GSG1L: variants seen among roughly 807,000 people sequenced by gnomAD.
The protein encoded by GSG1L is GSG1 like, also known as germ cell-specific gene 1-like protein.
Under a neutral mutation model 42.1 loss-of-function variants are expected in GSG1L, and 24 were observed. The observed-to-expected ratio is 0.57, with a 90% CI of 0.41 to 0.80. The LOEUF is 0.80. Among genes scored for constraint, GSG1L ranks in the 30% least tolerant of loss-of-function variants. GSG1L has a pLI of 0.00. For synonymous variants in GSG1L, 215 were observed against 203.5 expected (o/e 1.06, Z -0.48); for missense variants, 445 against 472.2 (o/e 0.94, Z 0.53).
At chr16:28,061,198 C>T (rs1330054321) in intron 1 of GSG1L, among the ~76,000 whole-genome samples, 1 of 152,222 alleles carries the variant, frequency 6.6e-6, no homozygotes, top group African/African-American at 2.4e-5. Flanking sequence ...AAGATGTCTA[C>T]CTCCAAGGAC....
intron 1 of GSG1L, among the ~76,000 whole-genome samples, chr16:27,995,347 C>G (rs2085504311): frequency 6.6e-6 from 1 of 152,082 alleles, no homozygotes; most frequent in African/African-American, 2.4e-5. Context: ...AAAATAAGCC[C>G]AAGAATGGAG....
chr16:28,053,517 C>T (rs898795164), intron 1 of GSG1L, among the ~76,000 whole-genome samples: 3 of 152,130 alleles, frequency 2.0e-5, no homozygotes, highest in South Asian at 2.1e-4. Context: ...CTTCTTCATC[C>T]GTCTGGATGG....
chr16:27,923,365 GT>G (rs1258690537), intron 2 of GSG1L, among the ~76,000 whole-genome samples: 1 of 152,172 alleles, frequency 6.6e-6, no homozygotes, highest in Non-Finnish European at 1.5e-5. Context: ...TTTTGTCAAA[GT>G]CCTGTCCCTG....
chr16:27,968,088 C>T (rs1194928807), intron 1 of GSG1L, among the ~76,000 whole-genome samples: 1 of 151,908 alleles, frequency 6.6e-6, no homozygotes, highest in African/African-American at 2.4e-5. Flanking sequence ...ACATTTTTGC[C>T]TATTAGGGGC....
chr16:28,005,154 C>A (rs1293438292), intron 1 of GSG1L, among the ~76,000 whole-genome samples: 3 of 152,124 alleles, frequency 2.0e-5, no homozygotes, highest in African/African-American at 7.2e-5. Context: ...GCTCTTGTTG[C>A]CCAGGCTGGA....
At chr16:27,813,897 A>ACAGACC (rs1485713494) in intron 5 of GSG1L, among the ~76,000 whole-genome samples, 1 of 152,158 alleles carries the variant, frequency 6.6e-6, no homozygotes, top group African/African-American at 2.4e-5. Flanking sequence ...TGTGCAGCTC[A>ACAGACC]CTGGGCCGCT....
intron 3 of GSG1L, among the ~76,000 whole-genome samples, chr16:27,854,899 T>C (rs1299154679): frequency 1.3e-5 from 2 of 152,084 alleles, no homozygotes; most frequent in Non-Finnish European, 2.9e-5. Context: ...AAAGCCACCC[T>C]TGGATGTACA....
At chr16:27,889,382 T>G (rs1006244881) in intron 2 of GSG1L, among the ~76,000 whole-genome samples, 5 of 152,188 alleles carry the variant, frequency 3.3e-5, no homozygotes, top group African/African-American at 1.2e-4. Context: ...GCCAAGGAAA[T>G]TAATAACAAT....
chr16:27,980,064 G>A (rs1018558075), intron 1 of GSG1L, among the ~76,000 whole-genome samples: 2 of 152,174 alleles, frequency 1.3e-5, no homozygotes, highest in Admixed American at 1.3e-4. Flanking sequence ...CCAGAAGCAG[G>A]AGGCTGTAAT....
intron 3 of GSG1L, among the ~76,000 whole-genome samples, chr16:27,869,703 ATT>A (rs2083783210): frequency 9.4e-5 from 5 of 53,014 alleles, no homozygotes; most frequent in African/African-American, 1.7e-4. Flanking sequence ...GTCTCCCTCC[ATT>A]TCTCTCTCCT....
intron 5 of GSG1L, among the ~76,000 whole-genome samples, chr16:27,819,382 A>C (rs2083127756): frequency 6.6e-6 from 1 of 152,164 alleles, no homozygotes; most frequent in Non-Finnish European, 1.5e-5. Flanking sequence ...CCCCATCCCA[A>C]AACCCCATCC....
At chr16:28,011,159 A>C (rs2085712933) in intron 1 of GSG1L, among the ~76,000 whole-genome samples, 2 of 152,240 alleles carry the variant, frequency 1.3e-5, no homozygotes, top group African/African-American at 4.8e-5. Context: ...TTTTAGAGGC[A>C]GAGGCAGTTG....
chr16:27,946,652 AAAGAAAAGAAAGAAAGAAAGAAAG>A (rs1393330812), intron 2 of GSG1L, among the ~76,000 whole-genome samples: 2 of 25,288 alleles, frequency 7.9e-5, no homozygotes, highest in Non-Finnish European at 1.3e-4. Context: ...AGAAAGAAAG[AAAGAAAAGAAAGAAAGAAAGAAAG>A]AAAGAAAGAA....
rs536029563 is a variant in GSG1L, at chr16:27,823,895, C to G, written c.830+4894G>C. 4.3e-6 allele frequency: 3 copies of G among 702,970 alleles called. No homozygotes were observed. The African/African-American group carries it at 5.2e-5, about 12-fold the overall frequency. 43.5% of individuals were successfully genotyped at this position (702,970 alleles called of 1,614,324 possible). A position where few individuals can be genotyped will look rare whatever the true frequency, so the allele number is the denominator to read the frequency against. The stretch of plus-strand genomic sequence containing the variant: ...TGACCTGGGGCAAGTCGCCCTCCCT[C>G]TCTGTGCCTCGATTTGCCACCTGTA... On this transcript the variant is annotated intron_variant, in intron 5 of 6. Coordinates refer to ENST00000447459, the MANE Select transcript of GSG1L (RefSeq NM_001109763.2).
At chr16:27,948,021 A>G (rs1283807373) in intron 2 of GSG1L, among the ~76,000 whole-genome samples, 2 of 152,074 alleles carry the variant, frequency 1.3e-5, no homozygotes, top group Non-Finnish European at 2.9e-5. Context: ...AGGAATAAAG[A>G]TTCCTCCCCA....
chr16:27,879,054 T>A (rs6498042), intron 3 of GSG1L, among the ~76,000 whole-genome samples: 5,018 of 152,040 alleles, frequency 0.033, 272 homozygotes, highest in African/African-American at 0.11. Flanking sequence ...GGGTTTTTGA[T>A]ACACGGATCC....
At chr16:28,025,159 G>C (rs1028475940) in intron 1 of GSG1L, among the ~76,000 whole-genome samples, 2 of 152,168 alleles carry the variant, frequency 1.3e-5, no homozygotes, top group Non-Finnish European at 2.9e-5. Context: ...AGAAAGGCTG[G>C]GGCTCTGGGA....
chr16:27,999,437 ATTCT>A (rs1567550141), intron 1 of GSG1L, among the ~76,000 whole-genome samples: 1 of 152,230 alleles, frequency 6.6e-6, no homozygotes, highest in East Asian at 1.9e-4. Context: ...GAATGACCAA[ATTCT>A]TTCTATTTTA....
chr16:28,060,180 G>A (rs906891887), intron 1 of GSG1L, among the ~76,000 whole-genome samples: 3 of 152,012 alleles, frequency 2.0e-5, no homozygotes, highest in African/African-American at 7.2e-5. Context: ...TGGGGGAGGC[G>A]AGATTTTGTT....
Sources: gnomAD v4.1 joint callset for allele counts (sites outside exome capture counted in the v4.1 genomes callset) on GRCh38, gnomAD v4.1.1 for gene constraint, MANE v1.5 for transcripts, NCBI Gene and HGNC (gene_info 2026-07-23, HGNC 2026-07-21) for gene names.